Variants in RBPJ observed in about 807,000 individuals in gnomAD.
The protein encoded by RBPJ is recombination signal binding protein for immunoglobulin kappa J region, also known as recombining binding protein suppressor of hairless.
Under a neutral mutation model 67.8 loss-of-function variants are expected in RBPJ, and 9 were observed. The ratio of observed to expected loss-of-function variants is 0.13; its 90% CI spans 0.08 to 0.23. The LOEUF (loss-of-function observed/expected upper bound fraction) is 0.23, where lower values mean the gene tolerates loss of function less well. Among genes scored for constraint, RBPJ ranks in the 10% least tolerant of loss-of-function variants. RBPJ has a pLI of 1.00. For synonymous variants in RBPJ, 198 were observed against 203.3 expected, an observed-to-expected ratio of 0.97 and a Z score of 0.22; for missense variants, 305 against 595.6, an observed-to-expected ratio of 0.51 and a Z score of 5.08.
At chr4:26,248,040 T>C (rs766910129) in intron 1 of RBPJ, among the ~76,000 whole-genome samples, 7 of 152,124 alleles carry the variant, frequency 4.6e-5, no homozygotes, top group Non-Finnish European at 1.0e-4. Context: ...ACTCCTATAA[T>C]CCCAGCACTT....
chr4:26,111,861 G>T, the RBPJ span: 1 of 187,646 alleles, frequency 5.3e-6, no homozygotes, highest in Non-Finnish European at 1.2e-5. Context: ...CCACTACACA[G>T]AAAATGAACA....
rs187533046 is a variant in RBPJ, at chr4:26,266,888, T to A, written c.-166-95558T>A. On this transcript the variant is annotated intron_variant, in intron 1 of 4. Transcript: ENST00000512351. ...GCAAAATTGTGTTAAAAGTTATTAGTGTTAGTTATGAAAAAGGCTTTCCAA... is the reference window on the plus strand; with the variant it reads ...GCAAAATTGTGTTAAAAGTTATTAGAGTTAGTTATGAAAAAGGCTTTCCAA... Among the ~76,000 whole-genome samples, 270 of 152,292 alleles carry A rather than the reference T, an allele frequency of 1.8e-3. 1 individual carries two copies. The highest frequency in any genetic ancestry group is 5.5e-3 in the African/African-American group (229 of 41,546).
chr4:26,193,786 A>G (rs1448487446), intron 1 of RBPJ, among the ~76,000 whole-genome samples: 1 of 152,052 alleles, frequency 6.6e-6, no homozygotes, highest in African/African-American at 2.4e-5. Context: ...CTCCTTCCAT[A>G]GCCCCCTCTT....
At chr4:26,408,160 T>C (rs1461777172) in intron 3 of RBPJ, among the ~76,000 whole-genome samples, 1 of 152,092 alleles carries the variant, frequency 6.6e-6, no homozygotes, top group East Asian at 1.9e-4. Context: ...TGAGACACCG[T>C]GCTTGGCCAA....
chr4:26,244,170 T>C (rs1410821688), intron 1 of RBPJ, among the ~76,000 whole-genome samples: 8 of 149,752 alleles, frequency 5.3e-5, no homozygotes, highest in African/African-American at 2.0e-4. Flanking sequence ...TATATATATG[T>C]ATACACATAT....
At chr4:26,320,761 A>AGCT (rs1722931082), upstream of RBPJ, 1 of 1,553,978 alleles carries the variant, frequency 6.4e-7, no homozygotes, top group African/African-American at 1.4e-5. Flanking sequence ...CTCCCCATGG[A>AGCT]CCACACGGAG....
intron 1 of RBPJ, among the ~76,000 whole-genome samples, chr4:26,203,162 T>A (rs1042908705): frequency 2.6e-5 from 4 of 152,236 alleles, no homozygotes; most frequent in African/African-American, 7.2e-5. Flanking sequence ...GTCTAGTCTT[T>A]ACATAGTAGC....
At chr4:26,425,130 C>T in intron 7 of RBPJ, 2 of 243,998 alleles carry the variant, frequency 8.2e-6, no homozygotes, top group East Asian at 7.9e-5. Flanking sequence ...CAATGTAGGA[C>T]CAAGTTTGCA....
chr4:26,368,362 T>C (rs1728825652), intron 1 of RBPJ, among the ~76,000 whole-genome samples: 1 of 152,200 alleles, frequency 6.6e-6, no homozygotes, highest in South Asian at 2.1e-4. Flanking sequence ...CATAGCGTTG[T>C]TTTGGCTTTT....
intron 1 of RBPJ, among the ~76,000 whole-genome samples, chr4:26,170,493 C>T (rs958498624): frequency 6.6e-6 from 1 of 150,936 alleles, no homozygotes; most frequent in African/African-American, 2.4e-5. Context: ...TGCAGTGAGC[C>T]TTGCAGTGCC....
rs1277922278 is a variant in RBPJ, at chr4:26,432,554, C to T, written c.*1547C>T. The T allele has an allele frequency of 2.0e-5, 3 of 152,114 alleles. No homozygotes were observed. The highest frequency in any genetic ancestry group is 4.8e-5 in the African/African-American group (2 of 41,396). The allele number at this position is 152,114 out of a possible 1,614,324, so 9.4% of individuals were successfully genotyped here. Reference sequence around the variant, plus strand: ...TGCTTGCTAACCCCGCCGGTTTTACCGTGCTTTCATTCCTGAACTTTGTTT... The same window carrying T: ...TGCTTGCTAACCCCGCCGGTTTTACTGTGCTTTCATTCCTGAACTTTGTTT... On this transcript the variant is annotated 3_prime_UTR_variant, in exon 11 of 11. Transcript: ENST00000355476.
intron 1 of RBPJ, among the ~76,000 whole-genome samples, chr4:26,231,714 T>C (rs141951619): frequency 0.043 from 6,457 of 151,606 alleles, 189 homozygotes; most frequent in Admixed American, 0.095. Context: ...GCCCAGCCTA[T>C]TTTTTTGTAT....
At chr4:26,338,533 C>T (rs1331680056) in intron 1 of RBPJ, among the ~76,000 whole-genome samples, 1 of 148,542 alleles carries the variant, frequency 6.7e-6, no homozygotes, top group Non-Finnish European at 1.5e-5. Context: ...GGAAGTTTGG[C>T]TTTTTTGTTT....
intron 1 of RBPJ, among the ~76,000 whole-genome samples, chr4:26,245,199 T>C (rs1354560731): frequency 2.0e-5 from 3 of 148,288 alleles, no homozygotes; most frequent in Non-Finnish European, 4.5e-5. Flanking sequence ...GCAATCACTA[T>C]TGTATTTTTT....
chr4:26,292,820 T>C (rs1311448382), intron 1 of RBPJ, among the ~76,000 whole-genome samples: 1 of 149,832 alleles, frequency 6.7e-6, no homozygotes, highest in Non-Finnish European at 1.5e-5. Flanking sequence ...ATGGTGTGTT[T>C]ATATATATAT....
rs562150544 is a variant in RBPJ, at chr4:26,257,360, C to A, written c.-167+93746C>A. Among the ~76,000 whole-genome samples, 4 of 152,258 alleles carry A rather than the reference C, an allele frequency of 2.6e-5. No homozygotes were observed. In the South Asian group the frequency reaches 8.3e-4, roughly 32 times the overall value. On this transcript the variant is annotated intron_variant, in intron 1 of 4. Coordinates refer to the RBPJ transcript ENST00000512351. ...AAACAGGTGGAGTCGCCGGGCACGGCGGCTCATGCCTGTAATCCCAGCACT... is the reference window on the plus strand; with the variant it reads ...AAACAGGTGGAGTCGCCGGGCACGGAGGCTCATGCCTGTAATCCCAGCACT...
chr4:26,254,981 C>T (rs1359655984), intron 1 of RBPJ, among the ~76,000 whole-genome samples: 1 of 137,352 alleles, frequency 7.3e-6, no homozygotes, highest in Non-Finnish European at 1.5e-5. Flanking sequence ...GGATTACAGG[C>T]ATGAACCACC....
At chr4:26,242,188 C>T (rs1349007301) in intron 1 of RBPJ, among the ~76,000 whole-genome samples, 3 of 152,198 alleles carry the variant, frequency 2.0e-5, no homozygotes. Context: ...TGGCTCACCC[C>T]TGTAATCCCA....
the RBPJ span, among the ~76,000 whole-genome samples, chr4:26,115,635 C>T: frequency 2.6e-5 from 4 of 152,162 alleles, no homozygotes; most frequent in Non-Finnish European, 4.4e-5. Flanking sequence ...CCACCCGCCT[C>T]GGCCTCCCAA....
Sources: gnomAD v4.1 joint callset for allele counts (sites outside exome capture counted in the v4.1 genomes callset) on GRCh38, gnomAD v4.1.1 for gene constraint, MANE v1.5 for transcripts, NCBI Gene and HGNC (gene_info 2026-07-23, HGNC 2026-07-21) for gene names.